The following C10orf90 variants were observed in gnomAD, a reference collection of about 807,000 sequenced individuals.
The protein encoded by C10orf90 is chromosome 10 open reading frame 90, also known as (E2-independent) E3 ubiquitin-conjugating enzyme FATS.
In C10orf90, 56 loss-of-function variants were observed where a neutral mutation model predicts 62.5. The observed-to-expected ratio is 0.90, with a 90% CI of 0.72 to 1.12. The LOEUF is 1.12. C10orf90 is among the 50% of genes most tolerant of loss of function. The pLI is 0.00. For missense variants in C10orf90, 970 were observed against 880.4 expected, an observed-to-expected ratio of 1.10 and a Z score of -1.29; for synonymous variants, 386 against 340.4, an observed-to-expected ratio of 1.13 and a Z score of -1.47.
At chr10:126,471,753 C>A (rs1860597601) in intron 4 of C10orf90, among the ~76,000 whole-genome samples, 1 of 152,106 alleles carries the variant, frequency 6.6e-6, no homozygotes, top group Non-Finnish European at 1.5e-5. Context: ...TATATATCTA[C>A]CCACACAAAG....
At chr10:126,587,224 G>T (rs967034535) in intron 2 of C10orf90, among the ~76,000 whole-genome samples, 1 of 152,198 alleles carries the variant, frequency 6.6e-6, no homozygotes, top group East Asian at 1.9e-4. Context: ...GCATGCATGG[G>T]ATCTGGGGCA....
At chr10:126,454,553 G>A (rs1590931578) in intron 7 of C10orf90, among the ~76,000 whole-genome samples, 1 of 151,334 alleles carries the variant, frequency 6.6e-6, no homozygotes, top group Admixed American at 6.6e-5. Flanking sequence ...CTACCTACAG[G>A]AGCTGTACCC....
rs1003417884 is a variant in C10orf90 at position 126,667,299 on chromosome 10, C to T, written c.240+2942G>A. ...GGTCTTGATCTCCTGACCTCGTGAT[C>T]CACCCACCTCAGCCTCCCAAAGTGC... On this transcript the variant is annotated intron_variant, in intron 1 of 9. Coordinates refer to ENST00000488181, the MANE Select transcript of C10orf90 (RefSeq NM_001350921.2). 3.3e-5 allele frequency among the ~76,000 whole-genome samples: 5 copies of T among 151,728 alleles called. No individual in the cohort carries two copies. In the South Asian group the frequency reaches 1.0e-3, roughly 32 times the overall value.
intron 4 of C10orf90, among the ~76,000 whole-genome samples, chr10:126,499,728 C>A (rs982954735): frequency 2.6e-5 from 4 of 152,190 alleles, no homozygotes; most frequent in Admixed American, 2.0e-4. Flanking sequence ...ACATCTCAGA[C>A]CAATGCCACC....
intron 2 of C10orf90, among the ~76,000 whole-genome samples, chr10:126,576,951 G>A (rs1844639955): frequency 6.6e-6 from 1 of 151,312 alleles, no homozygotes; most frequent in Non-Finnish European, 1.5e-5. Context: ...AAAAAAAGTT[G>A]ATTTCATAGG....
chr10:126,598,358 C>T (rs1205045088), intron 2 of C10orf90, among the ~76,000 whole-genome samples: 4 of 152,072 alleles, frequency 2.6e-5, no homozygotes, highest in Non-Finnish European at 4.4e-5. Context: ...GCATGCTTCT[C>T]GTGGAAGAGA....
intron 2 of C10orf90, among the ~76,000 whole-genome samples, chr10:126,535,520 A>G (rs1467088441): frequency 6.6e-6 from 1 of 151,598 alleles, no homozygotes; most frequent in East Asian, 1.9e-4. Flanking sequence ...CTGTCTCAAA[A>G]AAAAAAAAAA....
intron 1 of C10orf90, among the ~76,000 whole-genome samples, chr10:126,660,205 G>A (rs908358867): frequency 1.4e-4 from 21 of 152,272 alleles, no homozygotes; most frequent in Admixed American, 2.6e-4. Context: ...TGAATATGAC[G>A]GGCTATCATA....
intron 2 of C10orf90, among the ~76,000 whole-genome samples, chr10:126,622,670 A>C (rs1845669386): frequency 6.6e-6 from 1 of 151,974 alleles, no homozygotes; most frequent in Non-Finnish European, 1.5e-5. Flanking sequence ...AGCCTCTCTC[A>C]CCCACTCTGC....
In C10orf90 at chr10:126,524,920, A is replaced by G. The variant is rs75282256; in HGVS notation, c.314-10981T>C. On this transcript the variant is annotated intron_variant, in intron 2 of 9. Transcript: ENST00000488181. ...CCCTCCTTTGTCAAGCTCACTGAACAAGCATCATTATTACATAGTATTGAA... is the reference window on the plus strand; with the variant it reads ...CCCTCCTTTGTCAAGCTCACTGAACGAGCATCATTATTACATAGTATTGAA... 2.5e-4 allele frequency: 206 copies of G among 810,604 alleles called. No individual in the cohort carries two copies. The African/African-American group carries it at 3.6e-3, about 14-fold the overall frequency. 50.2% of individuals were successfully genotyped at this position (810,604 alleles called of 1,614,324 possible). A position where few individuals can be genotyped will look rare whatever the true frequency, so the allele number is the denominator to read the frequency against.
chr10:126,632,450 T>C (rs1845869313), intron 2 of C10orf90, among the ~76,000 whole-genome samples: 1 of 151,740 alleles, frequency 6.6e-6, no homozygotes. Flanking sequence ...TGGTAGATAA[T>C]ACTGAGATCT....
In C10orf90 at chr10:126,507,929, A is replaced by G. The variant is rs139055823; in HGVS notation, c.406-2844T>C. On this transcript the variant is annotated intron_variant, in intron 3 of 9. Transcript: ENST00000488181. ...CTGCTGCCTATTTCACTTGGTACAC[A>G]TTCCCTCCCATTTTAGTTAAATTTA... Among the ~76,000 whole-genome samples, 61 of 152,026 alleles carry G rather than the reference A, an allele frequency of 4.0e-4. 1 individual carries two copies. In the East Asian group the frequency reaches 0.011, roughly 29 times the overall value.
In C10orf90 at chr10:126,459,100, G is replaced by A; in HGVS notation, c.2128C>T (p.Gln710Ter). 6.2e-7 allele frequency: 1 copy of A among 1,614,092 alleles called. No individual in the cohort carries two copies. Among genetic ancestry groups the A allele is most frequent in the Non-Finnish European group, 8.5e-7 (1 of 1,180,028 alleles). Residue 710 changes from glutamine (Q) to a stop codon, truncating the protein, a stop_gained, in exon 7 of 10, where the codon CAG becomes TAG. Coordinates refer to ENST00000488181, the MANE Select transcript of C10orf90 (RefSeq NM_001350921.2). LOFTEE classifies it high-confidence loss of function. The stretch of plus-strand genomic sequence containing the variant: ...CTGGTGCGGATGGGAAGGAGGCTCT[G>A]CTTCTGCCTCAGGTCCTCCTTCCGC... ...AQRKEDLRQKQSLLPIRTSKK... is the reference protein window; with the variant it reads ...AQRKEDLRQK
rs1471113433 is a variant in C10orf90 at position 126,464,952 on chromosome 10, C to G, written c.1569G>C (p.Arg523Ser). 3.1e-6 allele frequency: 5 copies of G among 1,594,574 alleles called. No individual in the cohort carries two copies. Among genetic ancestry groups the G allele is most frequent in the Admixed American group, 3.4e-5 (2 of 59,322 alleles). Reference protein sequence around the residue: ...HTKVFSGSSKRQQGEVCMTVS... With the variant: ...HTKVFSGSSKSQQGEVCMTVS... ...CAGTCATACATACTTCTCCTTGTTG[C>G]CTCTTGCTGCTTCCAGAAAATACTT... The change falls in exon 5 of 10, where the codon AGG becomes AGC. Residue 523 changes from arginine (R) to serine (S), a missense_variant. By Grantham distance (110) the Arg-to-Ser change is moderately radical. Transcript: ENST00000488181.
chr10:126,650,795 A>T (rs1363615682), intron 1 of C10orf90, among the ~76,000 whole-genome samples: 1 of 152,214 alleles, frequency 6.6e-6, no homozygotes, highest in African/African-American at 2.4e-5. Context: ...CAGGCCCAGA[A>T]AGGATAAGAA....
intron 1 of C10orf90, among the ~76,000 whole-genome samples, chr10:126,667,734 G>T (rs76179482): frequency 0.013 from 2,009 of 152,196 alleles, 50 homozygotes; most frequent in African/African-American, 0.046. Flanking sequence ...CTTGCCATGC[G>T]GACAGAAGGC....
chr10:126,436,273 T>C (rs1857915973), intron 7 of C10orf90, among the ~76,000 whole-genome samples: 1 of 152,234 alleles, frequency 6.6e-6, no homozygotes, highest in Admixed American at 6.5e-5. Flanking sequence ...CAGCAGTGGC[T>C]GACAAAGTGG....
chr10:126,488,136 G>A (rs1861536703), intron 4 of C10orf90, among the ~76,000 whole-genome samples: 1 of 151,606 alleles, frequency 6.6e-6, no homozygotes, highest in Non-Finnish European at 1.5e-5. Flanking sequence ...TAAATAATAG[G>A]GTAGAAATAA....
chr10:126,655,216 G>C (rs1349629954), intron 1 of C10orf90, among the ~76,000 whole-genome samples: 1 of 152,080 alleles, frequency 6.6e-6, no homozygotes, highest in Non-Finnish European at 1.5e-5. Context: ...TACTAGGGAG[G>C]CTGAGGCAGG....
Sources: gnomAD v4.1 joint callset for allele counts (sites outside exome capture counted in the v4.1 genomes callset) on GRCh38, gnomAD v4.1.1 for gene constraint, MANE v1.5 for transcripts, NCBI Gene and HGNC (gene_info 2026-07-23, HGNC 2026-07-21) for gene names.